Variants in CIB1 observed in about 807,000 individuals in gnomAD.
CIB1 encodes the protein calcium and integrin-binding protein 1.
A neutral mutation model predicts 25.0 loss-of-function variants in CIB1; 19 were observed. The ratio of observed to expected loss-of-function variants is 0.76; its 90% CI spans 0.53 to 1.12. CIB1 has a LOEUF of 1.12. CIB1 is among the 50% of genes most tolerant of loss of function. The probability of loss-of-function intolerance (pLI) is 0.00; values close to 1 mark genes in which losing one functional copy is unlikely to be tolerated. For synonymous variants in CIB1, 104 were observed against 98.5 expected, an observed-to-expected ratio of 1.06 and a Z score of -0.33; for missense variants, 236 against 242.6, an observed-to-expected ratio of 0.97 and a Z score of 0.18.
At position 90,230,978 on chromosome 15, in the gene CIB1, G is replaced by T; in HGVS notation, c.510C>A (p.Leu170=). The change falls in exon 6 of 7, where the codon CTC becomes CTA. Residue 170 remains leucine (L), a synonymous_variant. Coordinates refer to ENST00000328649, the MANE Select transcript of CIB1 (RefSeq NM_006384.4). ...GGGAGATGACGTGCTGGAACTCAGAGAGGTTGATGGTTCCATCCCTGTCAA... is the reference window on the plus strand; with the variant it reads ...GGGAGATGACGTGCTGGAACTCAGATAGGTTGATGGTTCCATCCCTGTCAA... ...SDIDRDGTIN[L]SEFQHVISRS... is the part of the protein sequence containing the mutation. 1 of 1,614,190 alleles carries T rather than the reference G, an allele frequency of 6.2e-7. No individual in the cohort carries two copies. Among genetic ancestry groups the T allele is most frequent in the South Asian group, 1.1e-5 (1 of 91,088 alleles).
At chr15:90,231,059 G>C (rs750575510) in intron 5 of CIB1, 36 bp downstream of exon 5, 1 of 1,611,316 alleles carries the variant, frequency 6.2e-7, no homozygotes, top group South Asian at 1.1e-5. Flanking sequence ...AGCCCCAACT[G>C]CTCCCTCCCG....
chr15:90,262,881 T>C, the CIB1 span: 2 of 1,390,840 alleles, frequency 1.4e-6, no homozygotes, highest in Admixed American at 2.5e-5. Context: ...GAGGGTAGAG[T>C]GGGCAGGAGG....
At chr15:90,230,898 G>A in intron 6 of CIB1, 36 bp downstream of exon 6, 1 of 1,566,098 alleles carries the variant, frequency 6.4e-7, no homozygotes, top group Non-Finnish European at 8.8e-7. Flanking sequence ...GTCGGAACCT[G>A]CAGGTACCCA....
the CIB1 span, chr15:90,262,525 ACAG>A: frequency 6.6e-7 from 1 of 1,521,912 alleles, no homozygotes; most frequent in African/African-American, 1.4e-5. Context: ...TTAAGCAGGA[ACAG>A]CAGGAGACCT....
chr15:90,264,276 C>G, the CIB1 span, among the ~76,000 whole-genome samples: 1 of 152,158 alleles, frequency 6.6e-6, no homozygotes, highest in South Asian at 2.1e-4. Flanking sequence ...ACTGCAAACT[C>G]CACTCACGGG....
the CIB1 span, among the ~76,000 whole-genome samples, chr15:90,246,850 C>A: frequency 7.5e-6 from 1 of 133,384 alleles, no homozygotes; most frequent in African/African-American, 2.7e-5. Flanking sequence ...TGTGGCAATT[C>A]AGGCAAGAAA....
the CIB1 span, among the ~76,000 whole-genome samples, chr15:90,240,696 C>T: frequency 2.6e-4 from 39 of 152,002 alleles, no homozygotes; most frequent in East Asian, 6.4e-3. Context: ...GCCTGTAACC[C>T]CAGCTGCCCA....
chr15:90,264,429 C>A, the CIB1 span, among the ~76,000 whole-genome samples: 4 of 152,128 alleles, frequency 2.6e-5, no homozygotes, highest in African/African-American at 9.7e-5. Flanking sequence ...AATCAGTCTC[C>A]CAAAGTGCTA....
At chr15:90,258,178 C>T in the CIB1 span, 2 of 1,614,252 alleles carry the variant, frequency 1.2e-6, no homozygotes, top group African/African-American at 1.3e-5. Context: ...ACCTGTTTTC[C>T]CCAGTATCTG....
At chr15:90,233,538 G>A (rs1022498536) in intron 2 of CIB1, 131 bp downstream of exon 2, 3 of 1,190,286 alleles carry the variant, frequency 2.5e-6, no homozygotes, top group Admixed American at 4.0e-5. Flanking sequence ...GCCCGGGCTA[G>A]GTCTCCCGGC....
chr15:90,252,693 C>T, the CIB1 span, among the ~76,000 whole-genome samples: 988 of 152,156 alleles, frequency 6.5e-3, 8 homozygotes, highest in African/African-American at 0.023. Context: ...ATAAACATCC[C>T]TGATTGAGAG....
chr15:90,259,320 G>A, the CIB1 span, among the ~76,000 whole-genome samples: 2 of 151,910 alleles, frequency 1.3e-5, no homozygotes, highest in African/African-American at 4.8e-5. Context: ...AGCCCAGGAG[G>A]TCAAGCCTGC....
chr15:90,255,996 G>C, the CIB1 span: 1 of 1,574,646 alleles, frequency 6.4e-7, no homozygotes, highest in East Asian at 2.2e-5. Context: ...AGTGGAATGA[G>C]AAAGTTTCAG....
chr15:90,253,214 C>T, the CIB1 span: 5 of 1,567,134 alleles, frequency 3.2e-6, no homozygotes, highest in Non-Finnish European at 4.4e-6. Context: ...TTGCTGGTGT[C>T]CATGCTGGCA....
chr15:90,250,542 G>T, the CIB1 span: 17 of 1,479,346 alleles, frequency 1.1e-5, no homozygotes, highest in Admixed American at 3.8e-4. Context: ...CGTTCTGGTG[G>T]ATTCCTTCAG....
chr15:90,263,946 G>T, the CIB1 span: 2 of 1,533,216 alleles, frequency 1.3e-6, no homozygotes, highest in East Asian at 2.4e-5. Context: ...ACCATCTGCA[G>T]CCCAAGAACT....
the CIB1 span, chr15:90,264,829 A>G: frequency 4.6e-6 from 7 of 1,535,966 alleles, no homozygotes; most frequent in Admixed American, 2.0e-5. Context: ...AAAGAGTGGC[A>G]TCTGACTCAT....
the CIB1 span, among the ~76,000 whole-genome samples, chr15:90,239,757 GGA>G: frequency 6.6e-6 from 1 of 152,172 alleles, no homozygotes; most frequent in African/African-American, 2.4e-5. Context: ...TGTCCAGGCT[GGA>G]CTGCAATGGT....
chr15:90,253,630 T>G, the CIB1 span, among the ~76,000 whole-genome samples: 3 of 152,306 alleles, frequency 2.0e-5, no homozygotes, highest in African/African-American at 7.2e-5. Flanking sequence ...TGTGTGTAGC[T>G]GGCCCTCTCC....
Sources: allele counts gnomAD v4.1 joint callset (sites outside exome capture counted in the v4.1 genomes callset), GRCh38; gene constraint gnomAD v4.1.1; transcripts MANE v1.5; gene names NCBI Gene and HGNC (gene_info 2026-07-23, HGNC 2026-07-21).